The following SCN2A variants were observed in gnomAD, a reference collection of about 807,000 sequenced individuals.
SCN2A encodes the protein sodium voltage-gated channel alpha subunit 2, also known as sodium channel protein type 2 subunit alpha.
SCN2A carries 20 observed loss-of-function variants against 188.7 expected under a neutral mutation model. The observed-to-expected ratio is 0.11, with a 90% CI of 0.07 to 0.15. The LOEUF is 0.15. SCN2A is among the 10% of genes least tolerant of loss of function. The pLI, the probability that SCN2A is intolerant of heterozygous loss-of-function variation, is 1.00. For missense variants in SCN2A, 1,278 were observed against 2,445.0 expected, an observed-to-expected ratio of 0.52 and a Z score of 10.07; for synonymous variants, 804 against 833.1, an observed-to-expected ratio of 0.97 and a Z score of 0.60.
chr2:165,372,461 T>C (rs1326687236), intron 20 of SCN2A: 1 of 152,030 alleles, frequency 6.6e-6, no homozygotes, highest in East Asian at 1.9e-4. Context: ...TAGAACAAAA[T>C]AGCTTATATA....
intron 1 of SCN2A, among the ~76,000 whole-genome samples, chr2:165,252,867 T>C (rs987021243): frequency 2.7e-5 from 4 of 150,738 alleles, no homozygotes; most frequent in Non-Finnish European, 5.9e-5. Context: ...GGAGGGGGGG[T>C]GTGGCTGCTT....
chr2:165,372,694 G>A (rs1355183727), intron 20 of SCN2A: 1 of 152,846 alleles, frequency 6.5e-6, no homozygotes, highest in African/African-American at 2.4e-5. Context: ...ATGATATTAT[G>A]CCCTTCAAAC....
rs1375643814 is a variant in SCN2A at position 165,391,051 on chromosome 2, A to C, written c.*1227A>C. 1 of 152,572 alleles carries C rather than the reference A, an allele frequency of 6.6e-6. No individual in the cohort carries two copies. Among genetic ancestry groups the C allele is most frequent in the East Asian group, 1.9e-4 (1 of 5,194 alleles). 9.5% of individuals were successfully genotyped at this position (152,572 alleles called of 1,614,324 possible). A position where few individuals can be genotyped will look rare whatever the true frequency, so the allele number is the denominator to read the frequency against. On this transcript the variant is annotated 3_prime_UTR_variant, in exon 27 of 27. Transcript: ENST00000375437. ...AAGCTTTCAACAGGTAATATGATGT[A>C]ATTGGTTCCATTATAGTTTGAAGCT...
At chr2:165,367,508 T>C (rs1284415139) in intron 19 of SCN2A, 137 bp downstream of exon 19, 1 of 1,029,498 alleles carries the variant, frequency 9.7e-7, no homozygotes. Flanking sequence ...GTTTAGCACA[T>C]ATGAGAGGCT....
At chr2:165,295,723 C>T in intron 1 of SCN2A, 50 bp from the exon 2 acceptor site, 1 of 1,545,916 alleles carries the variant, frequency 6.5e-7, no homozygotes, top group South Asian at 1.2e-5. Context: ...CTGACACAAT[C>T]ACCTTTTATT....
intron 17 of SCN2A, among the ~76,000 whole-genome samples, chr2:165,362,846 A>G (rs1156739689): frequency 6.6e-6 from 1 of 152,120 alleles, no homozygotes; most frequent in Non-Finnish European, 1.5e-5. Context: ...TGAATAGCCT[A>G]GGGTGCATAT....
intron 14 of SCN2A, among the ~76,000 whole-genome samples, chr2:165,333,665 T>G (rs964313265): frequency 2.0e-5 from 3 of 151,626 alleles, no homozygotes; most frequent in African/African-American, 7.3e-5. Flanking sequence ...TAAAGACAAA[T>G]TTATACTCTA....
intron 1 of SCN2A, among the ~76,000 whole-genome samples, chr2:165,247,513 C>G (rs1693898915): frequency 6.6e-6 from 1 of 152,130 alleles, no homozygotes; most frequent in East Asian, 1.9e-4. Context: ...ATATTGGAGA[C>G]AGTTCATTGC....
At chr2:165,307,964 A>T (rs747750351) in intron 4 of SCN2A, 27 bp downstream of exon 4, 2 of 1,435,322 alleles carry the variant, frequency 1.4e-6, no homozygotes, top group East Asian at 4.6e-5. Flanking sequence ...TTCAATATTG[A>T]CCTCCCTTTA....
chr2:165,283,541 G>A (rs372936907), intron 1 of SCN2A, among the ~76,000 whole-genome samples: 30 of 152,300 alleles, frequency 2.0e-4, no homozygotes, highest in Admixed American at 1.4e-3. Flanking sequence ...AACAACTTCC[G>A]CTTTCTGGCA....
At position 165,379,189 on chromosome 2, in the gene SCN2A, A is replaced by C. The variant is rs577706468; in HGVS notation, c.4309-1403A>C. Among the ~76,000 whole-genome samples, 12 of 151,872 alleles carry C rather than the reference A, an allele frequency of 7.9e-5. No individual in the cohort carries two copies. The South Asian group carries it at 2.3e-3, about 29-fold the overall frequency. On this transcript the variant is annotated intron_variant, in intron 23 of 26. Transcript: ENST00000375437. ...TAACTTTTTTTTGCACTTGCAAAAA[A>C]CTGGGAGCAACTCAAAAACAGTAGA...
chr2:165,272,829 G>A (rs1217644527), intron 1 of SCN2A: 7 of 150,778 alleles, frequency 4.6e-5, no homozygotes, highest in Admixed American at 4.6e-4. Context: ...TATACGGAGT[G>A]ATAATTAGAA....
chr2:165,377,101 C>T (rs1380079642), intron 22 of SCN2A, among the ~76,000 whole-genome samples: 1 of 151,890 alleles, frequency 6.6e-6, no homozygotes, highest in African/African-American at 2.4e-5. Context: ...GAGTAATCAC[C>T]TCAAAATAGT....
chr2:165,380,986 GTAA>G, intron 24 of SCN2A, 104 bp from the exon 25 acceptor site: 1 of 785,686 alleles, frequency 1.3e-6, no homozygotes, highest in Admixed American at 2.3e-5. Context: ...ACAGATATTA[GTAA>G]CAATAGAATG....
intron 21 of SCN2A, among the ~76,000 whole-genome samples, chr2:165,374,331 A>G (rs1701199358): frequency 6.6e-6 from 1 of 152,070 alleles, no homozygotes; most frequent in Admixed American, 6.6e-5. Flanking sequence ...TGGACAGCAA[A>G]TTGTATGGTT....
At chr2:165,359,798 C>T (rs1295092065) in intron 17 of SCN2A, among the ~76,000 whole-genome samples, 1 of 151,820 alleles carries the variant, frequency 6.6e-6, no homozygotes, top group African/African-American at 2.4e-5. Context: ...ACAAAATGGG[C>T]CAAACACGTG....
At chr2:165,385,967 A>C (rs1701846588) in intron 25 of SCN2A, among the ~76,000 whole-genome samples, 1 of 152,172 alleles carries the variant, frequency 6.6e-6, no homozygotes, top group South Asian at 2.1e-4. Context: ...CTGAGAACAT[A>C]ATACGTGAGT....
Position 165,363,996 on chromosome 2 carries a change from TAAAG to T in SCN2A, c.3400-1143_3400-1140del, listed in dbSNP as rs372948532. 1.7e-3 allele frequency among the ~76,000 whole-genome samples: 266 copies of T among 152,258 alleles called. 1 individual carries two copies. The highest frequency in any genetic ancestry group is 6.2e-3 in the African/African-American group (257 of 41,574). Reference sequence around the variant, plus strand: ...TATAAAGAAAATTATTTTCATAAAATAAAGAAACCATCTTTCTAGAGAAAATCCA... The same window carrying T: ...TATAAAGAAAATTATTTTCATAAAATAAACCATCTTTCTAGAGAAAATCCA... On this transcript the variant is annotated intron_variant, in intron 17 of 26. Transcript: ENST00000375437.
intron 1 of SCN2A, among the ~76,000 whole-genome samples, chr2:165,281,028 C>T (rs796184497): frequency 1.3e-5 from 2 of 152,142 alleles, no homozygotes; most frequent in Non-Finnish European, 2.9e-5. Flanking sequence ...TCAAGACCAG[C>T]CTGGCCAACA....
Sources: gnomAD v4.1 joint callset for allele counts (sites outside exome capture counted in the v4.1 genomes callset) on GRCh38, gnomAD v4.1.1 for gene constraint, MANE v1.5 for transcripts, NCBI Gene and HGNC (gene_info 2026-07-23, HGNC 2026-07-21) for gene names.